CEP120: variants seen among roughly 807,000 people sequenced by gnomAD.
CEP120 encodes centrosomal protein of 120 kDa.
Under a neutral mutation model 126.5 loss-of-function variants are expected in CEP120, and 113 were observed. The ratio of observed to expected loss-of-function variants is 0.89; its 90% CI spans 0.77 to 1.04. CEP120 has a LOEUF of 1.04. CEP120 is among the 50% of genes least tolerant of loss of function. CEP120 has a pLI of 0.00. For missense variants in CEP120, 1,230 were observed against 1,155.7 expected, an observed-to-expected ratio of 1.06 and a Z score of -0.93; for synonymous variants, 400 against 394.3, an observed-to-expected ratio of 1.01 and a Z score of -0.17.
Position 123,386,675 on chromosome 5 carries a change from TTAAAAAAAAAAAA to T in CEP120, c.1431-21_1431-9del. ...AAGAATGGATATGAGTACCTAGAATTTAAAAAAAAAAAAAAAAAAAAAAGCCTTAATGATATGG... is the reference window on the plus strand; with the variant it reads ...AAGAATGGATATGAGTACCTAGAATTAAAAAAAAAAGCCTTAATGATATGG... On this transcript the variant is annotated splice_polypyrimidine_tract_variant and intron_variant, in intron 9 of 19. Transcript: ENST00000306467. 7.3e-6 allele frequency: 5 copies of T among 688,338 alleles called. No individual in the cohort carries two copies. The highest frequency in any genetic ancestry group is 9.2e-6 in the Non-Finnish European group (5 of 543,452). 42.6% of individuals were successfully genotyped at this position (688,338 alleles called of 1,614,324 possible).
intron 4 of CEP120, among the ~76,000 whole-genome samples, chr5:123,404,442 C>T (rs1293162052): frequency 2.0e-5 from 3 of 151,976 alleles, no homozygotes; most frequent in African/African-American, 7.3e-5. Context: ...TGGGGGTCTT[C>T]GGCACAGAAG....
intron 4 of CEP120, among the ~76,000 whole-genome samples, chr5:123,407,124 A>C (rs1773743516): frequency 6.6e-6 from 1 of 151,590 alleles, no homozygotes; most frequent in Non-Finnish European, 1.5e-5. Flanking sequence ...AAAAAACAAA[A>C]AACAAAAAAG....
intron 5 of CEP120, among the ~76,000 whole-genome samples, chr5:123,398,351 C>G (rs1772940321): frequency 6.6e-6 from 1 of 152,142 alleles, no homozygotes; most frequent in Non-Finnish European, 1.5e-5. Flanking sequence ...CCTGGACATT[C>G]TTGCAGAGTA....
intron 17 of CEP120, among the ~76,000 whole-genome samples, chr5:123,369,923 T>C (rs149124148): frequency 1.3e-5 from 2 of 152,152 alleles, no homozygotes; most frequent in Admixed American, 6.6e-5. Context: ...AGGTACTCAA[T>C]AAATAGCTGG....
At chr5:123,412,297 GTTTA>G (rs1774107073) in intron 4 of CEP120, 98 bp downstream of exon 4, 2 of 1,105,346 alleles carry the variant, frequency 1.8e-6, no homozygotes, top group African/African-American at 1.6e-5. Flanking sequence ...CTGATGAACA[GTTTA>G]CACCCTGCAT....
chr5:123,392,536 A>T (rs1026258044), intron 6 of CEP120, among the ~76,000 whole-genome samples: 1 of 152,126 alleles, frequency 6.6e-6, no homozygotes. Context: ...TTTGAGACAG[A>T]GTCTTGCTCT....
In CEP120 at chr5:123,378,359, G is replaced by T. The variant is rs184433622; in HGVS notation, c.2173C>A (p.Gln725Lys). The T allele has an allele frequency of 2.5e-6, 4 of 1,606,788 alleles. No homozygotes were observed. Among genetic ancestry groups the T allele is most frequent in the Non-Finnish European group, 3.4e-6 (4 of 1,177,290 alleles). ...TLIDLEKREQ[Q>K]LASVESELQR... ...ACCTCTGATTCCACACTAGCAAGCT[G>T]CTGCTCTCGCTTCTCCAAGTCAATT... The change falls in exon 15 of 20, where the codon CAG (glutamine) becomes AAG (lysine). Residue 725 changes from glutamine to lysine, a missense_variant. Transcript: ENST00000306467.
Position 123,412,493 on chromosome 5 carries a change from C to T in CEP120, c.369G>A (p.Lys123=), listed in dbSNP as rs762304880. The change falls in exon 4 of 20, where the codon AAG becomes AAA. Residue 123 remains lysine (K), a synonymous_variant. Coordinates refer to ENST00000306467, the MANE Select transcript of CEP120 (RefSeq NM_001375405.1). ...AAGCAATACTTATCTGTATCTCAGACTTGAATTTGGTGTATTTATTACTCA... is the reference window on the plus strand; with the variant it reads ...AAGCAATACTTATCTGTATCTCAGATTTGAATTTGGTGTATTTATTACTCA... ...QLLSNKYTKF[K]SEIQISIALE... is the part of the protein sequence containing the mutation. 2.5e-6 allele frequency: 4 copies of T among 1,611,066 alleles called. No individual in the cohort carries two copies. The highest frequency in any genetic ancestry group is 3.4e-6 in the Non-Finnish European group (4 of 1,178,566).
At chr5:123,371,023 C>A (rs1362817251) in intron 17 of CEP120, among the ~76,000 whole-genome samples, 2 of 151,936 alleles carry the variant, frequency 1.3e-5, no homozygotes, top group African/African-American at 2.4e-5. Context: ...AATTTGAATT[C>A]TTTAACTTAG....
intron 4 of CEP120, among the ~76,000 whole-genome samples, chr5:123,406,401 A>G (rs1773667178): frequency 6.6e-6 from 1 of 151,778 alleles, no homozygotes; most frequent in South Asian, 2.1e-4. Context: ...GCCAAAAAAA[A>G]AAAAACTTGC....
intron 18 of CEP120, 98 bp downstream of exon 18, chr5:123,364,398 A>C (rs1770306668): frequency 1.1e-5 from 6 of 548,456 alleles, no homozygotes; most frequent in Non-Finnish European, 1.5e-5. Context: ...GCAATATTCA[A>C]ATGCAGACAT....
At chr5:123,350,212 C>CT (rs35423173) in intron 18 of CEP120, 123 bp from the exon 19 acceptor site, 2,238 of 667,824 alleles carry the variant, frequency 3.4e-3, no homozygotes, top group East Asian at 8.2e-3. Flanking sequence ...ACTGCCAATT[C>CT]TTTTTTTTTT....
Position 123,412,519 on chromosome 5 carries a change from G to C in CEP120, c.343C>G (p.Leu115Val). The C allele has an allele frequency of 6.2e-7, 1 of 1,600,640 alleles. No homozygotes were observed. Among genetic ancestry groups the C allele is most frequent in the Non-Finnish European group, 8.5e-7 (1 of 1,174,778 alleles). The change falls in exon 4 of 20, where the codon CTG (leucine) becomes GTG (valine). Residue 115 changes from leucine (L) to valine (V), a missense_variant. By Grantham distance (32) the Leu-to-Val change is conservative. Coordinates refer to ENST00000306467, the MANE Select transcript of CEP120 (RefSeq NM_001375405.1). ...TTGAATTTGGTGTATTTATTACTCAGCAACTGGTACCATTTTGGTGCCTAG... is the reference window on the plus strand; with the variant it reads ...TTGAATTTGGTGTATTTATTACTCACCAACTGGTACCATTTTGGTGCCTAG... ...TKQAPKWYQLLSNKYTKFKSE... is the reference protein window; with the variant it reads ...TKQAPKWYQLVSNKYTKFKSE...
chr5:123,350,201 C>T (rs935029333), intron 18 of CEP120, 112 bp from the exon 19 acceptor site: 7 of 912,232 alleles, frequency 7.7e-6, no homozygotes, highest in East Asian at 2.7e-5. Context: ...TATAGCCACA[C>T]ACTGCCAATT....
In CEP120 at chr5:123,350,015, A is replaced by G; in HGVS notation, c.2655T>C (p.Leu885=). The change falls in exon 19 of 20, where the codon CTT becomes CTC. Residue 885 remains leucine (L), a synonymous_variant. Coordinates refer to ENST00000306467, the MANE Select transcript of CEP120 (RefSeq NM_001375405.1). The part of the protein sequence containing the change: ...EELEQMRLRY[L]AAEEKDTVKT... ...TTACTGTATCTTTTTCCTCAGCGGC[A>G]AGGTAACGTAGTCTCATCTGTTCCA... is the stretch of plus-strand genomic sequence containing the variant. 6.2e-7 allele frequency: 1 copy of G among 1,613,774 alleles called. No individual in the cohort carries two copies. The highest frequency in any genetic ancestry group is 8.5e-7 in the Non-Finnish European group (1 of 1,179,882).
intron 4 of CEP120, chr5:123,403,731 G>A (rs1303449897): frequency 7.1e-6 from 3 of 423,454 alleles, no homozygotes; most frequent in African/African-American, 2.1e-5. Context: ...GCATCTGTTC[G>A]ATGATATTTC....
chr5:123,397,352 C>T (rs1772856464), intron 5 of CEP120, among the ~76,000 whole-genome samples: 1 of 152,036 alleles, frequency 6.6e-6, no homozygotes, highest in Non-Finnish European at 1.5e-5. Flanking sequence ...AAATAAAATG[C>T]TTTGCAAATA....
rs936758384 is a variant in CEP120 at position 123,423,023 on chromosome 5, G to A, written c.-25C>T. 1 of 1,610,226 alleles carries A rather than the reference G, an allele frequency of 6.2e-7. No homozygotes were observed. Among genetic ancestry groups the A allele is most frequent in the Non-Finnish European group, 8.5e-7 (1 of 1,176,752 alleles). ...TGGTTGCGGTGAGCGGTCCGGGGGC[G>A]AAGGCGGCTGGGGGGAAGTGAGGTC... On this transcript the variant is annotated 5_prime_UTR_variant, in exon 1 of 20. Transcript: ENST00000306467.
intron 5 of CEP120, 85 bp downstream of exon 5, chr5:123,399,051 C>A (rs1772995473): frequency 9.6e-7 from 1 of 1,038,986 alleles, no homozygotes; most frequent in Admixed American, 2.8e-5. Flanking sequence ...AGTCTACTTG[C>A]AAGTCTTTTT....
Sources: gnomAD v4.1 joint callset for allele counts (sites outside exome capture counted in the v4.1 genomes callset) on GRCh38, gnomAD v4.1.1 for gene constraint, MANE v1.5 for transcripts, NCBI Gene and HGNC (gene_info 2026-07-23, HGNC 2026-07-21) for gene names.